The following DLG1 variants were observed in gnomAD, a reference collection of about 807,000 sequenced individuals.
DLG1 encodes the protein discs large MAGUK scaffold protein 1, also known as disks large homolog 1.
A neutral mutation model predicts 123.4 loss-of-function variants in DLG1; 42 were observed. The ratio of observed to expected loss-of-function variants is 0.34; its 90% confidence interval spans 0.27 to 0.44. DLG1 has a LOEUF of 0.44. Ranked by LOEUF, DLG1 falls within the 20% of genes least tolerant of loss-of-function variation. DLG1 has a pLI of 1.00. For missense variants in DLG1, 942 were observed against 1,082.6 expected (o/e 0.87, Z 1.82); for synonymous variants, 317 against 356.2 (o/e 0.89, Z 1.24).
chr3:197,132,132 G>A (rs1782940166), intron 10 of DLG1, among the ~76,000 whole-genome samples: 1 of 151,500 alleles, frequency 6.6e-6, no homozygotes, highest in Non-Finnish European at 1.5e-5. Flanking sequence ...CTGGTCTGAA[G>A]GTTTGTCATT....
chr3:197,225,298 T>C (rs1739271931), intron 4 of DLG1, among the ~76,000 whole-genome samples: 1 of 152,216 alleles, frequency 6.6e-6, no homozygotes, highest in Admixed American at 6.5e-5. Flanking sequence ...TAACCATCTT[T>C]AAGGCAAACT....
chr3:197,224,759 T>C (rs1378144724), intron 4 of DLG1, among the ~76,000 whole-genome samples: 1 of 152,206 alleles, frequency 6.6e-6, no homozygotes, highest in Non-Finnish European at 1.5e-5. Context: ...ATATATTCTT[T>C]AACAACCTTT....
chr3:197,077,543 T>A (rs575275095), intron 17 of DLG1, among the ~76,000 whole-genome samples: 1 of 152,180 alleles, frequency 6.6e-6, no homozygotes, highest in Non-Finnish European at 1.5e-5. Flanking sequence ...CATCCAATCA[T>A]TGGCACCACG....
At chr3:197,210,521 C>T (rs1037579781) in intron 4 of DLG1, among the ~76,000 whole-genome samples, 36 of 142,678 alleles carry the variant, frequency 2.5e-4, no homozygotes, top group African/African-American at 8.6e-4. Context: ...CAAACTAATC[C>T]AATAGGTTAG....
At chr3:197,296,940 T>A in intron 2 of DLG1, 1 of 500,306 alleles carries the variant, frequency 2.0e-6, no homozygotes, top group South Asian at 2.4e-5. Context: ...TCAGGGTTAT[T>A]AAGGACATCT....
At chr3:197,115,755 C>A (rs967352173) in intron 13 of DLG1, among the ~76,000 whole-genome samples, 172 bp downstream of exon 13, 5 of 152,120 alleles carry the variant, frequency 3.3e-5, no homozygotes, top group Admixed American at 2.6e-4. Flanking sequence ...TAAAAGAACA[C>A]CTATTATATA....
chr3:197,119,370 G>A (rs1775051127), intron 12 of DLG1, 40 bp downstream of exon 12: 4 of 1,511,222 alleles, frequency 2.6e-6, no homozygotes, highest in Middle Eastern at 1.8e-4. Context: ...CAATTTAATA[G>A]TTGATTTTAT....
At chr3:197,199,784 C>T (rs574532648) in intron 4 of DLG1, among the ~76,000 whole-genome samples, 1 of 152,120 alleles carries the variant, frequency 6.6e-6, no homozygotes, top group East Asian at 1.9e-4. Context: ...ACCAGTTTGC[C>T]AATAAAGTAG....
chr3:197,160,725 G>A (rs916573540), intron 5 of DLG1, among the ~76,000 whole-genome samples: 1 of 152,030 alleles, frequency 6.6e-6, no homozygotes, highest in African/African-American at 2.4e-5. Context: ...GAGGGGAAGG[G>A]CACTGAGATG....
At position 197,093,743 on chromosome 3, in the gene DLG1, C is replaced by A. The variant is rs114117823; in HGVS notation, c.1547-2717G>T. Reference sequence around the variant, plus strand: ...GAAATTGTTCTCAGTTCTGTTCTTACCATCCTGTCTTATTTATTCAAGCTT... The same window carrying A: ...GAAATTGTTCTCAGTTCTGTTCTTAACATCCTGTCTTATTTATTCAAGCTT... On this transcript the variant is annotated intron_variant, in intron 14 of 24. Transcript: ENST00000667157. Among the ~76,000 whole-genome samples, 413 of 152,194 alleles carry A rather than the reference C, an allele frequency of 2.7e-3. 4 individuals are homozygous for A. The highest frequency in any genetic ancestry group is 0.014 in the Middle Eastern group (4 of 294).
chr3:197,050,227 C>T (rs545608067), intron 24 of DLG1, among the ~76,000 whole-genome samples: 13 of 151,616 alleles, frequency 8.6e-5, no homozygotes, highest in South Asian at 8.3e-4. Flanking sequence ...ATTAGCTGGG[C>T]GTGGTGGCAG....
chr3:197,155,733 C>T (rs1219242152), intron 5 of DLG1, among the ~76,000 whole-genome samples: 3 of 152,022 alleles, frequency 2.0e-5, no homozygotes, highest in Non-Finnish European at 4.4e-5. Flanking sequence ...GAGTTCAAGA[C>T]CAGCCTGTGG....
At chr3:197,119,714 C>G (rs993303285) in intron 11 of DLG1, among the ~76,000 whole-genome samples, 184 bp from the exon 12 acceptor site, 3 of 152,112 alleles carry the variant, frequency 2.0e-5, no homozygotes, top group East Asian at 1.9e-4. Flanking sequence ...AACTCCTGTC[C>G]TGAAGTGATA....
intron 21 of DLG1, 124 bp from the exon 22 acceptor site, chr3:197,065,572 C>T (rs1401911434): frequency 9.7e-7 from 1 of 1,025,758 alleles, no homozygotes; most frequent in African/African-American, 1.6e-5. Flanking sequence ...TGAGAAAGGA[C>T]AATAATATGG....
At chr3:197,211,070 TTA>T (rs145646459) in intron 4 of DLG1, among the ~76,000 whole-genome samples, 25,510 of 145,400 alleles carry the variant, frequency 0.18, 4,331 homozygotes, top group African/African-American at 0.22. Context: ...AGGAGAAAAA[TTA>T]TATAATTATT....
At position 197,121,852 on chromosome 3, in the gene DLG1, T is replaced by G. The variant is rs139286856; in HGVS notation, c.1166-2322A>C. 5.6e-3 allele frequency among the ~76,000 whole-genome samples: 801 copies of G among 144,030 alleles called. 7 individuals carry two copies. The highest frequency in any genetic ancestry group is 0.01 in the Non-Finnish European group (688 of 65,546). 94.5% of individuals were successfully genotyped at this position (144,030 alleles called of 152,430 possible). On this transcript the variant is annotated intron_variant, in intron 11 of 24. Coordinates refer to ENST00000667157, the MANE Select transcript of DLG1 (RefSeq NM_001366207.1). Reference sequence around the variant, plus strand: ...AAAAAAAAAAAAAAAAAATCAAATGTTATCTAGTCCTCTTAGGTAACAAGA... The same window carrying G: ...AAAAAAAAAAAAAAAAAATCAAATGGTATCTAGTCCTCTTAGGTAACAAGA...
At chr3:197,240,729 G>T (rs977347284) in intron 4 of DLG1, among the ~76,000 whole-genome samples, 2 of 151,602 alleles carry the variant, frequency 1.3e-5, no homozygotes, top group African/African-American at 4.8e-5. Context: ...GAAAAGAAAA[G>T]AAAAAAATCA....
intron 15 of DLG1, among the ~76,000 whole-genome samples, chr3:197,086,731 G>A (rs1215806297): frequency 6.6e-6 from 1 of 152,120 alleles, no homozygotes. Context: ...GGATCGTTAA[G>A]CAGGAGGGCT....
At chr3:197,104,604 C>A (rs1214788046) in intron 14 of DLG1, among the ~76,000 whole-genome samples, 1 of 152,068 alleles carries the variant, frequency 6.6e-6, no homozygotes, top group African/African-American at 2.4e-5. Context: ...ATCACTTGAA[C>A]CTGGGAGGCA....
Sources: gnomAD v4.1 joint callset for allele counts (sites outside exome capture counted in the v4.1 genomes callset) on GRCh38, gnomAD v4.1.1 for gene constraint, MANE v1.5 for transcripts, NCBI Gene and HGNC (gene_info 2026-07-23, HGNC 2026-07-21) for gene names.